BTBD16: variants seen among roughly 807,000 people sequenced by gnomAD.
BTBD16 encodes BTB domain containing 16.
In BTBD16, 66 loss-of-function variants were observed where a neutral mutation model predicts 67.4. The observed-to-expected ratio is 0.98, with a 90% CI of 0.80 to 1.20. The LOEUF is 1.20. BTBD16 is among the 50% of genes most tolerant of loss of function. The probability of loss-of-function intolerance (pLI) is 0.00; values close to 1 mark genes in which losing one functional copy is unlikely to be tolerated. For synonymous variants in BTBD16, 242 were observed against 236.4 expected (o/e 1.02, Z -0.22); for missense variants, 634 against 616.0 (o/e 1.03, Z -0.31).
intron 9 of BTBD16, among the ~76,000 whole-genome samples, chr10:122,300,027 G>C (rs994538294): frequency 6.6e-6 from 1 of 152,130 alleles, no homozygotes; most frequent in Admixed American, 6.5e-5. Flanking sequence ...CCCCTGCCAG[G>C]CTCCTTCTCC....
intron 7 of BTBD16, among the ~76,000 whole-genome samples, chr10:122,293,409 T>C (rs558867919): frequency 6.6e-6 from 1 of 152,326 alleles, no homozygotes; most frequent in Non-Finnish European, 1.5e-5. Context: ...CTGGAGCATG[T>C]GGCAGCCTCG....
At chr10:122,322,450 AC>A (rs1422283558) in intron 10 of BTBD16, among the ~76,000 whole-genome samples, 2 of 152,164 alleles carry the variant, frequency 1.3e-5, no homozygotes, top group Non-Finnish European at 2.9e-5. Context: ...GGCCTAGGGA[AC>A]AGTTGCCACT....
chr10:122,302,634 T>C lies in BTBD16; in HGVS notation c.791+3500T>C, dbSNP rs2142085551. 1.3e-5 allele frequency among the ~76,000 whole-genome samples: 2 copies of C among 152,376 alleles called. 1 individual carries two copies. Among genetic ancestry groups the C allele is most frequent in the South Asian group, 4.1e-4 (2 of 4,832 alleles). On this transcript the variant is annotated intron_variant, in intron 9 of 15. Transcript: ENST00000260723. ...GCCCTCCAGCATGGGACAAGGTTCCTATGGGTGTCTGGGACACCCCTGGGC... is the reference window on the plus strand; with the variant it reads ...GCCCTCCAGCATGGGACAAGGTTCCCATGGGTGTCTGGGACACCCCTGGGC...
intron 4 of BTBD16, among the ~76,000 whole-genome samples, chr10:122,285,824 C>G (rs985071860): frequency 1.3e-5 from 2 of 152,124 alleles, no homozygotes; most frequent in Admixed American, 1.3e-4. Context: ...GAGGGCAGCA[C>G]AAGTGCCTCT....
At chr10:122,334,035 T>C (rs1750629949) in intron 13 of BTBD16, among the ~76,000 whole-genome samples, 1 of 152,206 alleles carries the variant, frequency 6.6e-6, no homozygotes, top group African/African-American at 2.4e-5. Context: ...GTGAATTCAT[T>C]CAAATTGTTA....
chr10:122,295,436 C>G lies in BTBD16; in HGVS notation c.591-2332C>G, dbSNP rs115747619. On this transcript the variant is annotated intron_variant, in intron 7 of 15. Transcript: ENST00000260723. The stretch of plus-strand genomic sequence containing the variant: ...ATGCAGGATCTTGTAGCCACATGAG[C>G]AGGTCTTGGTTCAGTCAGCAGAGCA... The G allele has an allele frequency of 5.9e-4, 586 of 985,376 alleles. 3 individuals are homozygous for G. The African/African-American group carries it at 9.5e-3, about 16-fold the overall frequency. The allele number at this position is 985,376 out of a possible 1,614,324, so 61.0% of individuals were successfully genotyped here.
At position 122,282,123 on chromosome 10, in the gene BTBD16, G is replaced by A. The variant is rs951440774; in HGVS notation, c.168-1728G>A. Among the ~76,000 whole-genome samples the A allele has an allele frequency of 5.3e-5, 8 of 152,294 alleles. No homozygotes were observed. In the East Asian group the frequency reaches 9.7e-4, roughly 18 times the overall value. On this transcript the variant is annotated intron_variant, in intron 3 of 15. Coordinates refer to ENST00000260723, the MANE Select transcript of BTBD16 (RefSeq NM_144587.5). ...GGCAGTGTGCTCACCTCTGTTTCCCGGCATCCCTTGGCTCAGCCGATGACA... is the reference window on the plus strand; with the variant it reads ...GGCAGTGTGCTCACCTCTGTTTCCCAGCATCCCTTGGCTCAGCCGATGACA...
chr10:122,295,217 C>G, intron 7 of BTBD16: 1 of 758,716 alleles, frequency 1.3e-6, no homozygotes, highest in Non-Finnish European at 1.6e-6. Flanking sequence ...GAAATCAAAA[C>G]TAAGGCAGTA....
At chr10:122,295,696 C>T (rs568079471) in intron 7 of BTBD16, among the ~76,000 whole-genome samples, 1 of 152,250 alleles carries the variant, frequency 6.6e-6, no homozygotes, top group East Asian at 1.9e-4. Context: ...TGACAGGACT[C>T]AGCAGTCTTA....
chr10:122,285,744 A>T (rs2096362357), intron 4 of BTBD16, among the ~76,000 whole-genome samples: 1 of 152,140 alleles, frequency 6.6e-6, no homozygotes, highest in African/African-American at 2.4e-5. Flanking sequence ...GGGAAGCCAG[A>T]ATGAGGCCCC....
At chr10:122,335,277 G>C (rs2096461744) in intron 14 of BTBD16, among the ~76,000 whole-genome samples, 1 of 152,196 alleles carries the variant, frequency 6.6e-6, no homozygotes. Flanking sequence ...TACATGTGGA[G>C]CTCACTTCAT....
At chr10:122,321,046 T>C (rs916063752) in intron 10 of BTBD16, among the ~76,000 whole-genome samples, 1 of 152,158 alleles carries the variant, frequency 6.6e-6, no homozygotes, top group African/African-American at 2.4e-5. Flanking sequence ...ATTATTCCCA[T>C]CTTTATGTTC....
intron 15 of BTBD16, among the ~76,000 whole-genome samples, chr10:122,337,293 G>A (rs1184822602): frequency 3.3e-5 from 5 of 152,272 alleles, no homozygotes; most frequent in Non-Finnish European, 4.4e-5. Context: ...TCCATGGATC[G>A]GGCCAGGGTA....
chr10:122,285,365 C>T (rs578171235), intron 4 of BTBD16, among the ~76,000 whole-genome samples: 1 of 152,278 alleles, frequency 6.6e-6, no homozygotes, highest in South Asian at 2.1e-4. Flanking sequence ...ATTTTATCCT[C>T]AGGTTAGATG....
chr10:122,287,326 T>A, intron 5 of BTBD16: 3 of 665,722 alleles, frequency 4.5e-6, no homozygotes, highest in Non-Finnish European at 5.6e-6. Context: ...AGACAGTGAG[T>A]TCATGGAAAA....
intron 3 of BTBD16, 112 bp downstream of exon 3, chr10:122,277,051 G>A: frequency 7.9e-7 from 1 of 1,259,860 alleles, no homozygotes; most frequent in East Asian, 2.5e-5. Flanking sequence ...GGGCACATCT[G>A]CAAGGAAGGC....
At chr10:122,291,373 A>G (rs1052983539) in intron 7 of BTBD16, 179 bp downstream of exon 7, 3 of 719,566 alleles carry the variant, frequency 4.2e-6, no homozygotes, top group Middle Eastern at 3.3e-4. Context: ...CTAACAGGTG[A>G]GCCATCTCTC....
intron 10 of BTBD16, among the ~76,000 whole-genome samples, chr10:122,324,431 G>A (rs2096440901): frequency 1.3e-5 from 2 of 152,238 alleles, no homozygotes; most frequent in African/African-American, 4.8e-5. Context: ...TCCCCAGGGT[G>A]GGCGAGGCCA....
chr10:122,310,130 T>G (rs1384233166), intron 10 of BTBD16, among the ~76,000 whole-genome samples: 1 of 152,216 alleles, frequency 6.6e-6, no homozygotes, highest in African/African-American at 2.4e-5. Context: ...GATGGAAAAT[T>G]CAGAGAATGT....
Sources: gnomAD v4.1 joint callset for allele counts (sites outside exome capture counted in the v4.1 genomes callset) on GRCh38, gnomAD v4.1.1 for gene constraint, MANE v1.5 for transcripts, NCBI Gene and HGNC (gene_info 2026-07-23, HGNC 2026-07-21) for gene names.